The following ARHGAP26 variants were observed in gnomAD, a reference collection of about 807,000 sequenced individuals.
The protein encoded by ARHGAP26 is Rho GTPase activating protein 26.
In ARHGAP26, 38 loss-of-function variants were observed where a neutral mutation model predicts 104.8. That is an observed-to-expected ratio of 0.36 (90% CI 0.28 to 0.48). The LOEUF (loss-of-function observed/expected upper bound fraction) is 0.48, where lower values mean the gene tolerates loss of function less well. Among genes scored for constraint, ARHGAP26 ranks in the 20% least tolerant of loss-of-function variants. The pLI, the probability that ARHGAP26 is intolerant of heterozygous loss-of-function variation, is 0.99. For synonymous variants in ARHGAP26, 341 were observed against 340.0 expected (o/e 1.00, Z -0.03); for missense variants, 704 against 947.9 (o/e 0.74, Z 3.38).
intron 20 of ARHGAP26, chr5:143,166,037 T>G (rs1801893542): frequency 7.6e-7 from 1 of 1,322,058 alleles, no homozygotes; most frequent in African/African-American, 1.5e-5. Context: ...GCACTGGGGA[T>G]TTGGAATGTG....
chr5:142,855,639 T>C (rs748856696), intron 1 of ARHGAP26, among the ~76,000 whole-genome samples: 5 of 152,254 alleles, frequency 3.3e-5, no homozygotes, highest in African/African-American at 4.8e-5. Context: ...ATCCTCAGTG[T>C]CTTCATCTTC....
chr5:143,002,045 G>T (rs899287878), intron 11 of ARHGAP26, among the ~76,000 whole-genome samples: 2 of 152,216 alleles, frequency 1.3e-5, no homozygotes, highest in African/African-American at 4.8e-5. Flanking sequence ...AAGGGGCATT[G>T]TGGGGATGAA....
Position 142,923,965 on chromosome 5 carries a change from C to A in ARHGAP26, c.1029-8082C>A, listed in dbSNP as rs74665602. ...CAAGCTCCGCCCCCCGGGTTCGTGC[C>A]GTTCTCCTGCCTCAGCCTCCCAAGT... On this transcript the variant is annotated intron_variant, in intron 10 of 22. Transcript: ENST00000645722. Among the ~76,000 whole-genome samples the A allele has an allele frequency of 5.7e-4, 86 of 151,226 alleles. 1 individual carries two copies. The highest frequency in any genetic ancestry group is 2.0e-3 in the African/African-American group (81 of 41,134).
intron 17 of ARHGAP26, among the ~76,000 whole-genome samples, chr5:143,065,825 A>G (rs950067608): frequency 6.6e-6 from 1 of 152,234 alleles, no homozygotes; most frequent in Admixed American, 6.5e-5. Context: ...AGGGGAAGTT[A>G]AAAAACTCTG....
At chr5:143,006,557 G>A (rs1778000554) in intron 11 of ARHGAP26, among the ~76,000 whole-genome samples, 1 of 152,104 alleles carries the variant, frequency 6.6e-6, no homozygotes, top group African/African-American at 2.4e-5. Context: ...GTACAACAGT[G>A]GTAGCAGTGG....
intron 20 of ARHGAP26, among the ~76,000 whole-genome samples, chr5:143,183,681 C>T (rs1363944831): frequency 3.9e-5 from 6 of 152,206 alleles, no homozygotes; most frequent in South Asian, 4.1e-4. Context: ...CCTCCTCGGA[C>T]GCCACCCCTA....
chr5:142,974,364 T>A (rs991715138), intron 11 of ARHGAP26, among the ~76,000 whole-genome samples: 7 of 152,196 alleles, frequency 4.6e-5, no homozygotes, highest in Admixed American at 2.6e-4. Flanking sequence ...TTCTGACAGC[T>A]AAACCCTGGC....
chr5:142,838,826 G>A (rs1770139169), intron 1 of ARHGAP26, among the ~76,000 whole-genome samples: 1 of 152,202 alleles, frequency 6.6e-6, no homozygotes, highest in South Asian at 2.1e-4. Flanking sequence ...CAAGGAAACA[G>A]ACTCAGAAAA....
chr5:142,949,211 GAGA>G (rs1260514094), intron 11 of ARHGAP26, among the ~76,000 whole-genome samples: 10 of 65,490 alleles, frequency 1.5e-4, no homozygotes, highest in African/African-American at 9.9e-4. Context: ...GAGAGAGAGA[GAGA>G]GAGAGAGGAG....
At chr5:142,976,486 G>A (rs1773107866) in intron 11 of ARHGAP26, among the ~76,000 whole-genome samples, 1 of 152,108 alleles carries the variant, frequency 6.6e-6, no homozygotes, top group African/African-American at 2.4e-5. Flanking sequence ...TAGGACATTT[G>A]ACCCAATCAT....
intron 1 of ARHGAP26, among the ~76,000 whole-genome samples, chr5:142,838,509 CGCTTATTG>C (rs1339168880): frequency 2.0e-5 from 3 of 152,196 alleles, no homozygotes; most frequent in Non-Finnish European, 4.4e-5. Context: ...GGTTTAGCCA[CGCTTATTG>C]GCTGTGTCAC....
chr5:143,208,646 A>T (rs968075636), intron 21 of ARHGAP26, among the ~76,000 whole-genome samples: 2 of 152,102 alleles, frequency 1.3e-5, no homozygotes, highest in African/African-American at 4.8e-5. Context: ...GCCAATCCAG[A>T]ATTCAGGACT....
At chr5:143,007,134 G>T (rs1334986038) in intron 11 of ARHGAP26, among the ~76,000 whole-genome samples, 6 of 147,934 alleles carry the variant, frequency 4.1e-5, no homozygotes, top group Non-Finnish European at 1.5e-5. Flanking sequence ...GGCAGAAGTT[G>T]CAGTGAGCCG....
chr5:143,025,978 A>G (rs999767526), intron 12 of ARHGAP26, among the ~76,000 whole-genome samples: 1 of 152,208 alleles, frequency 6.6e-6, no homozygotes, highest in African/African-American at 2.4e-5. Flanking sequence ...AAAAAAAAAT[A>G]GATGCCTTTG....
intron 11 of ARHGAP26, among the ~76,000 whole-genome samples, chr5:142,961,249 G>A (rs1770179441): frequency 6.6e-6 from 1 of 152,142 alleles, no homozygotes; most frequent in African/African-American, 2.4e-5. Context: ...TCAGCACTTT[G>A]GGAGGCTGAG....
intron 8 of ARHGAP26, 131 bp downstream of exon 8, chr5:142,903,800 C>G (rs2152458622): frequency 2.1e-6 from 2 of 957,344 alleles, no homozygotes; most frequent in East Asian, 5.9e-5. Context: ...TATAGTTCAC[C>G]TTTCCAAAGA....
At chr5:143,170,965 T>C (rs1802683047) in intron 20 of ARHGAP26, among the ~76,000 whole-genome samples, 1 of 151,766 alleles carries the variant, frequency 6.6e-6, no homozygotes, top group South Asian at 2.1e-4. Context: ...CATGGGAGAA[T>C]AGGAAGCAGA....
chr5:143,208,537 G>T (rs375325386), intron 21 of ARHGAP26, among the ~76,000 whole-genome samples: 28 of 152,138 alleles, frequency 1.8e-4, no homozygotes, highest in East Asian at 1.5e-3. Flanking sequence ...TTCTATCCTC[G>T]TGTGAGAATG....
At chr5:142,802,270 T>C (rs1762216225) in intron 1 of ARHGAP26, among the ~76,000 whole-genome samples, 1 of 152,206 alleles carries the variant, frequency 6.6e-6, no homozygotes, top group Admixed American at 6.5e-5. Flanking sequence ...AACAGAGCTG[T>C]ACCCAGTTAG....
Sources: allele counts gnomAD v4.1 joint callset (sites outside exome capture counted in the v4.1 genomes callset), GRCh38; gene constraint gnomAD v4.1.1; transcripts MANE v1.5; gene names NCBI Gene and HGNC (gene_info 2026-07-23, HGNC 2026-07-21).